The following UBE2E2 variants were observed in gnomAD, a reference collection of about 807,000 sequenced individuals.
UBE2E2 encodes ubiquitin conjugating enzyme E2 E2.
Under a neutral mutation model 24.7 loss-of-function variants are expected in UBE2E2, and 6 were observed. The observed-to-expected ratio is 0.24, with a 90% confidence interval of 0.13 to 0.48. The LOEUF (loss-of-function observed/expected upper bound fraction) is 0.48, where lower values mean the gene tolerates loss of function less well. Among genes scored for constraint, UBE2E2 ranks in the 20% least tolerant of loss-of-function variants. The probability of loss-of-function intolerance (pLI) is 0.99; values close to 1 mark genes in which losing one functional copy is unlikely to be tolerated. For synonymous variants in UBE2E2, 104 were observed against 83.6 expected, an observed-to-expected ratio of 1.24 and a Z score of -1.33; for missense variants, 169 against 245.0, an observed-to-expected ratio of 0.69 and a Z score of 2.07.
At chr3:23,350,498 G>C (rs1466534059) in intron 3 of UBE2E2, among the ~76,000 whole-genome samples, 3 of 152,196 alleles carry the variant, frequency 2.0e-5, no homozygotes, top group Non-Finnish European at 4.4e-5. Context: ...AAAAAATTTA[G>C]ACGAATGTAT....
At position 23,396,211 on chromosome 3, in the gene UBE2E2, C is replaced by T. The variant is rs868708425; in HGVS notation, c.228-103397C>T. On this transcript the variant is annotated intron_variant, in intron 3 of 5. Transcript: ENST00000396703. ...TTTGCCTATGAATTTGTAAACATTTCCAGAAGATAGAATATCTTAAGAATG... is the reference window on the plus strand; with the variant it reads ...TTTGCCTATGAATTTGTAAACATTTTCAGAAGATAGAATATCTTAAGAATG... Among the ~76,000 whole-genome samples, 12 of 150,076 alleles carry T rather than the reference C, an allele frequency of 8.0e-5. No individual in the cohort carries two copies. In the South Asian group the frequency reaches 1.9e-3, roughly 24 times the overall value.
rs1696744003 is a variant in UBE2E2 at position 23,590,831 on chromosome 3, A to G, written c.*1000A>G. On this transcript the variant is annotated 3_prime_UTR_variant, in exon 6 of 6. Transcript: ENST00000396703. Reference sequence around the variant, plus strand: ...CATTCTTTCTGTTACAGCCTTCTTTATCAACAATTAAAATATGTAACTCCA... The same window carrying G: ...CATTCTTTCTGTTACAGCCTTCTTTGTCAACAATTAAAATATGTAACTCCA... 6.6e-6 allele frequency: 1 copy of G among 152,182 alleles called. No homozygotes were observed. The highest frequency in any genetic ancestry group is 2.1e-4 in the South Asian group (1 of 4,828). 9.4% of individuals were successfully genotyped at this position (152,182 alleles called of 1,614,324 possible). A position where few individuals can be genotyped will look rare whatever the true frequency, so the allele number is the denominator to read the frequency against.
intron 3 of UBE2E2, among the ~76,000 whole-genome samples, chr3:23,277,959 G>A (rs529292292): frequency 6.6e-6 from 1 of 152,200 alleles, no homozygotes; most frequent in South Asian, 2.1e-4. Context: ...CTTCTTGGGC[G>A]TGATACCCAT....
At chr3:23,496,467 C>T (rs1699604995) in intron 3 of UBE2E2, among the ~76,000 whole-genome samples, 1 of 151,958 alleles carries the variant, frequency 6.6e-6, no homozygotes, top group Non-Finnish European at 1.5e-5. Flanking sequence ...CTTTTCTTAC[C>T]TCATATTTAT....
intron 5 of UBE2E2, among the ~76,000 whole-genome samples, chr3:23,556,631 A>T (rs1343975804): frequency 6.6e-6 from 1 of 152,082 alleles, no homozygotes. Flanking sequence ...CTAATAGCTT[A>T]TTTGAGGTTA....
chr3:23,526,197 C>T (rs1163807136), intron 4 of UBE2E2, among the ~76,000 whole-genome samples: 1 of 152,144 alleles, frequency 6.6e-6, no homozygotes, highest in African/African-American at 2.4e-5. Context: ...GAGTGCCCGG[C>T]ACATATTGAA....
chr3:23,282,845 T>C (rs1004240995), intron 3 of UBE2E2, among the ~76,000 whole-genome samples: 1 of 151,784 alleles, frequency 6.6e-6, no homozygotes, highest in African/African-American at 2.4e-5. Context: ...GTGAATTAAT[T>C]TGGTAATGAA....
At chr3:23,473,021 G>C (rs1699060284) in intron 3 of UBE2E2, among the ~76,000 whole-genome samples, 1 of 151,932 alleles carries the variant, frequency 6.6e-6, no homozygotes, top group South Asian at 2.1e-4. Flanking sequence ...TTGTGATACT[G>C]TGCATTTTCT....
chr3:23,255,708 T>C (rs184500224), intron 3 of UBE2E2, among the ~76,000 whole-genome samples: 1 of 152,200 alleles, frequency 6.6e-6, no homozygotes, highest in Non-Finnish European at 1.5e-5. Flanking sequence ...TCACATATGG[T>C]ACCTCTGTCT....
chr3:23,556,927 A>G (rs1695803516), intron 5 of UBE2E2, among the ~76,000 whole-genome samples: 1 of 152,198 alleles, frequency 6.6e-6, no homozygotes, highest in Non-Finnish European at 1.5e-5. Flanking sequence ...CATTGTCAGT[A>G]GGTTCTTATA....
chr3:23,305,306 A>G (rs1225662698), intron 3 of UBE2E2, among the ~76,000 whole-genome samples: 1 of 152,244 alleles, frequency 6.6e-6, no homozygotes, highest in African/African-American at 2.4e-5. Context: ...CTTTCCTTCG[A>G]GACAGCCATC....
At chr3:23,431,850 C>G (rs1242348208) in intron 3 of UBE2E2, among the ~76,000 whole-genome samples, 2 of 152,070 alleles carry the variant, frequency 1.3e-5, no homozygotes, top group Non-Finnish European at 2.9e-5. Context: ...AAAATTAATT[C>G]AAAATATTTT....
chr3:23,463,242 A>T (rs1261588411), intron 3 of UBE2E2, among the ~76,000 whole-genome samples: 1 of 152,142 alleles, frequency 6.6e-6, no homozygotes, highest in Non-Finnish European at 1.5e-5. Flanking sequence ...AAAAAAGATG[A>T]TAACTAAACC....
At chr3:23,221,697 C>CG (rs915791484) in intron 3 of UBE2E2, among the ~76,000 whole-genome samples, 7 of 151,686 alleles carry the variant, frequency 4.6e-5, no homozygotes, top group African/African-American at 1.7e-4. Context: ...AGTGCAATGG[C>CG]GTGATCTTGG....
chr3:23,389,471 A>G (rs1696885173), intron 3 of UBE2E2, among the ~76,000 whole-genome samples: 1 of 152,152 alleles, frequency 6.6e-6, no homozygotes, highest in Non-Finnish European at 1.5e-5. Context: ...TCCGGGGAGG[A>G]CATTAGGGAA....
At chr3:23,209,840 A>G (rs1696268911) in intron 2 of UBE2E2, among the ~76,000 whole-genome samples, 1 of 152,112 alleles carries the variant, frequency 6.6e-6, no homozygotes, top group Admixed American at 6.5e-5. Flanking sequence ...AGGGATGGTG[A>G]GTGGTTATTC....
At chr3:23,559,040 A>G (rs1695857198) in intron 5 of UBE2E2, among the ~76,000 whole-genome samples, 2 of 152,206 alleles carry the variant, frequency 1.3e-5, no homozygotes, top group Admixed American at 1.3e-4. Flanking sequence ...AAGTCTCAAC[A>G]CAAGAGTAAT....
chr3:23,261,988 C>T (rs574315264), intron 3 of UBE2E2, among the ~76,000 whole-genome samples: 1 of 152,260 alleles, frequency 6.6e-6, no homozygotes, highest in South Asian at 2.1e-4. Flanking sequence ...TGGATATAGA[C>T]CCAGAAGTAG....
At chr3:23,340,578 C>T (rs1695353476) in intron 3 of UBE2E2, among the ~76,000 whole-genome samples, 1 of 151,936 alleles carries the variant, frequency 6.6e-6, no homozygotes, top group Admixed American at 6.6e-5. Flanking sequence ...ACGTGAAAAC[C>T]ATTTAATTTT....
Sources: allele counts gnomAD v4.1 joint callset (sites outside exome capture counted in the v4.1 genomes callset), GRCh38; gene constraint gnomAD v4.1.1; transcripts MANE v1.5; gene names NCBI Gene and HGNC (gene_info 2026-07-23, HGNC 2026-07-21).